The following UBR4 variants were observed in gnomAD, a reference collection of about 807,000 sequenced individuals.
UBR4 encodes E3 ubiquitin-protein ligase UBR4.
UBR4 carries 124 observed loss-of-function variants against 575.6 expected under a neutral mutation model. The ratio of observed to expected loss-of-function variants is 0.22; its 90% CI spans 0.19 to 0.25. The LOEUF is 0.25. Among genes scored for constraint, UBR4 ranks in the 10% least tolerant of loss-of-function variants. The pLI is 1.00. For synonymous variants in UBR4, 2,455 were observed against 2,473.7 expected, an observed-to-expected ratio of 0.99 and a Z score of 0.22; for missense variants, 4,818 against 6,478.8, an observed-to-expected ratio of 0.74 and a Z score of 8.80.
In UBR4 at chr1:19,139,033, T is replaced by G; in HGVS notation, c.8731+50A>C. 7 of 1,543,268 alleles carry G rather than the reference T, an allele frequency of 4.5e-6. No homozygotes were observed. The highest frequency in any genetic ancestry group is 6.1e-6 in the Non-Finnish European group (7 of 1,139,764). ...AAGACCCAAGCAGAGATTCCTGTTTTGTCCCCACCCTCTGCCCAAGGAGAC... is the reference window on the plus strand; with the variant it reads ...AAGACCCAAGCAGAGATTCCTGTTTGGTCCCCACCCTCTGCCCAAGGAGAC... On this transcript the variant is annotated intron_variant, in intron 59 of 105. Transcript: ENST00000375254. The surrounding 1 kb of genome is among the most constrained non-coding windows in gnomAD (Gnocchi z 4.2).
chr1:19,152,381 G>A lies in UBR4; in HGVS notation c.6928C>T (p.Gln2310Ter). The A allele has an allele frequency of 6.2e-7, 1 of 1,613,952 alleles. No homozygotes were observed. The highest frequency in any genetic ancestry group is 1.1e-5 in the South Asian group (1 of 91,078). ...DVEFGGNDLLQVYNAQQIKHR... is the reference protein window; with the variant it reads ...DVEFGGNDLL ...TTTATCTGTTGTGCATTATAGACCT[G>A]TAGGAGGTCGTTACCACCAAACTCC... Residue 2310 changes from glutamine to a stop codon, truncating the protein, a stop_gained, in exon 47 of 106, where the codon CAG (glutamine) becomes TAG (stop). Transcript: ENST00000375254. LOFTEE classifies it high-confidence loss of function. The surrounding 1 kb of genome is among the most constrained non-coding windows in gnomAD (Gnocchi z 4.4).
In UBR4 at chr1:19,173,069, A is replaced by T; in HGVS notation, c.3316T>A (p.Cys1106Ser). The T allele has an allele frequency of 6.2e-7, 1 of 1,614,246 alleles. No homozygotes were observed. The highest frequency in any genetic ancestry group is 1.6e-4 in the Middle Eastern group (1 of 6,062). The part of the protein sequence containing the change: ...RQISSFCSID[C>S]TTILQLHEIP... ...TCATGCAGCTGCAAGATGGTGGTAC[A>T]GTCGATACTACAGAAGGATGAGATC... Residue 1106 changes from cysteine (C) to serine (S), a missense_variant, in exon 25 of 106, where the codon TGT becomes AGT. This residue lies in a region of UBR4 where 1,172 missense variants were observed against 1,259.7 expected (regional missense o/e 0.93). Transcript: ENST00000375254.
intron 48 of UBR4, 73 bp from the exon 49 acceptor site, chr1:19,150,866 C>T: frequency 6.9e-7 from 1 of 1,456,468 alleles, no homozygotes; most frequent in South Asian, 1.2e-5. Flanking sequence ...AAGACCAGAA[C>T]AGTTGGAGCA....
rs2081974238 is a variant in UBR4 at position 19,127,705 on chromosome 1, T to C, written c.9146A>G (p.Asn3049Ser). ...VSKKNERSAL[N>S]EVHLVVMRLL... ...TCTCATTACTACCAGATGGACTTCA[T>C]TCAGGGCGCTGCGCTCATTCTTCTT... Residue 3049 changes from asparagine (N) to serine (S), a missense_variant, in exon 63 of 106, where the codon AAT becomes AGT. Asn to Ser is a conservative substitution (Grantham distance 46). Coordinates refer to ENST00000375254, the MANE Select transcript of UBR4 (RefSeq NM_020765.3). 14 of 1,614,024 alleles carry C rather than the reference T, an allele frequency of 8.7e-6. No individual in the cohort carries two copies. The highest frequency in any genetic ancestry group is 1.2e-5 in the Non-Finnish European group (14 of 1,180,014).
intron 90 of UBR4, among the ~76,000 whole-genome samples, chr1:19,097,556 C>T (rs2078183425): frequency 6.6e-6 from 1 of 152,180 alleles, no homozygotes; most frequent in South Asian, 2.1e-4. Flanking sequence ...AATAATCTAA[C>T]AAATATTTAT....
rs1178432427 is a variant in UBR4 at position 19,152,439 on chromosome 1, G to A, written c.6870C>T (p.Asp2290=). The change falls in exon 47 of 106, where the codon GAC becomes GAT. Residue 2290 remains aspartate (D), a synonymous_variant. Coordinates refer to ENST00000375254, the MANE Select transcript of UBR4 (RefSeq NM_020765.3). The surrounding 1 kb of genome is among the most constrained non-coding windows in gnomAD (Gnocchi z 4.4). The part of the protein sequence containing the change: ...RTSSQVTFPI[D]FFEHNQQLTD... ...TCAGCTGCTGGTTGTGTTCAAAAAA[G>A]TCAATGGGGAAAGTCACCTGGCTAG... 1.2e-6 allele frequency: 2 copies of A among 1,613,934 alleles called. No individual in the cohort carries two copies. Among genetic ancestry groups the A allele is most frequent in the Non-Finnish European group, 8.5e-7 (1 of 1,179,844 alleles).
chr1:19,096,508 C>T lies in UBR4; in HGVS notation c.13518+15G>A. On this transcript the variant is annotated intron_variant, in intron 92 of 105. Transcript: ENST00000375254. ...CAGAAAGGCTGGCCCCCACAACTTG[C>T]TGCCCCCAACTCACTGTTAGAAGGT... 3.1e-6 allele frequency: 5 copies of T among 1,608,918 alleles called. No individual in the cohort carries two copies. The highest frequency in any genetic ancestry group is 4.2e-6 in the Non-Finnish European group (5 of 1,177,458).
At chr1:19,096,792 G>A (rs1490279047) in intron 91 of UBR4, 142 bp from the exon 92 acceptor site, 3 of 1,265,392 alleles carry the variant, frequency 2.4e-6, no homozygotes, top group Non-Finnish European at 3.3e-6. Flanking sequence ...CCAATAAAAG[G>A]GGTCAATGAT....
rs182750198 is a variant in UBR4 at position 19,186,957 on chromosome 1, T to A, written c.1632+207A>T. ...ACAAAACTGATAATTAATAACTGAT[T>A]CAAATGTTTGGATAGATTCAACCCG... On this transcript the variant is annotated intron_variant, in intron 13 of 105. Transcript: ENST00000375254. 4.0e-4 allele frequency among the ~76,000 whole-genome samples: 61 copies of A among 151,874 alleles called. No homozygotes were observed. The East Asian group carries it at 0.01, about 25-fold the overall frequency.
intron 97 of UBR4, 90 bp downstream of exon 97, chr1:19,092,729 C>T (rs2077645442): frequency 3.8e-6 from 4 of 1,064,466 alleles, no homozygotes; most frequent in Non-Finnish European, 4.0e-6. Flanking sequence ...CTAGAAGTCT[C>T]ATATATTAGG....
At position 19,187,300 on chromosome 1, in the gene UBR4, C is replaced by A. The variant is rs1367057848; in HGVS notation, c.1496G>T (p.Gly499Val). ...TGCAGGGGGGCCATCTGTCTCCCAA[C>A]CCTGAAGGCAATGATATCAAAGGGC... Reference protein sequence around the residue: ...QDLQVEALHKGWETDGPPAAL... With the variant: ...QDLQVEALHKVWETDGPPAAL... Residue 499 changes from glycine to valine, a missense_variant and splice_region_variant, in exon 13 of 106, where the codon GGT (glycine) becomes GTT (valine). Transcript: ENST00000375254. The A allele has an allele frequency of 6.2e-7, 1 of 1,612,842 alleles. No homozygotes were observed. Among genetic ancestry groups the A allele is most frequent in the Non-Finnish European group, 8.5e-7 (1 of 1,179,166 alleles).
chr1:19,106,816 G>A (rs115896498), intron 82 of UBR4, 21 bp downstream of exon 82: 63 of 1,610,186 alleles, frequency 3.9e-5, no homozygotes, highest in African/African-American at 2.9e-4. Context: ...ACTTCCCGGC[G>A]TCTTGAAGAG....
intron 83 of UBR4, 76 bp downstream of exon 83, chr1:19,106,493 T>C: frequency 6.8e-7 from 1 of 1,471,926 alleles, no homozygotes; most frequent in African/African-American, 1.4e-5. Context: ...AGACACATGG[T>C]GAGGGGCAGA....
intron 78 of UBR4, 182 bp downstream of exon 78, chr1:19,112,342 T>A: frequency 1.6e-6 from 1 of 642,884 alleles, no homozygotes; most frequent in Non-Finnish European, 2.5e-6. Context: ...GAAACCTGGG[T>A]TTCAATGCTC....
Position 19,115,463 on chromosome 1 carries a change from C to A in UBR4, c.10998G>T (p.Ser3666=). The stretch of plus-strand genomic sequence containing the variant: ...CACAGACTCCTGGGTTGGCAGGGAC[C>A]GAGGCACTACAGCGAGGGCACTGCA... ...ETLQCPRCSA[S]VPANPGVCGN... The change falls in exon 74 of 106, where the codon TCG becomes TCT. Residue 3666 remains serine (S), a synonymous_variant. Transcript: ENST00000375254. 3.7e-6 allele frequency: 6 copies of A among 1,614,124 alleles called. 1 individual carries two copies. The South Asian group carries it at 6.6e-5, about 18-fold the overall frequency.
chr1:19,139,957 C>T lies in UBR4; in HGVS notation c.8594-737G>A, dbSNP rs1189597097. Among the ~76,000 whole-genome samples the T allele has an allele frequency of 6.6e-6, 1 of 152,116 alleles. No homozygotes were observed. Among genetic ancestry groups the T allele is most frequent in the African/African-American group, 2.4e-5 (1 of 41,412 alleles). On this transcript the variant is annotated intron_variant, in intron 58 of 105. Coordinates refer to ENST00000375254, the MANE Select transcript of UBR4 (RefSeq NM_020765.3). This position sits in a 1 kb window ranked among gnomAD's most constrained non-coding sequence, Gnocchi z 4.2. ...ACAGCCACAGAGCACAGCGGGAACACGACTGGCACAACACAACAGCAACCT... is the reference window on the plus strand; with the variant it reads ...ACAGCCACAGAGCACAGCGGGAACATGACTGGCACAACACAACAGCAACCT...
In UBR4 at chr1:19,197,186, G is replaced by A; in HGVS notation, c.973C>T (p.Arg325Cys). 3.1e-6 allele frequency: 5 copies of A among 1,614,160 alleles called. No individual in the cohort carries two copies. The highest frequency in any genetic ancestry group is 2.5e-6 in the Non-Finnish European group (3 of 1,180,022). Reference sequence around the variant, plus strand: ...CTGAGGACTGTCACATCTTGTAGACGAGAAGGATTGAGAGGTTCCAACACA... The same window carrying A: ...CTGAGGACTGTCACATCTTGTAGACAAGAAGGATTGAGAGGTTCCAACACA... ...LPVLEPLNPS[R>C]LQDVTVLSLS... is the part of the protein sequence containing the mutation. Residue 325 changes from arginine (R) to cysteine (C), a missense_variant, in exon 8 of 106, where the codon CGT becomes TGT. Arg to Cys is a radical substitution (Grantham distance 180). Transcript: ENST00000375254.
At chr1:19,195,969 TACACACACACACACACACACAC>T (rs55820713) in intron 8 of UBR4, among the ~76,000 whole-genome samples, 105 of 134,140 alleles carry the variant, frequency 7.8e-4, no homozygotes, top group African/African-American at 2.5e-3. Context: ...GACTTACTTA[TACACACACACACACACACACAC>T]ACACACACAC....
At chr1:19,129,942 T>A (rs1399627015) in intron 60 of UBR4, among the ~76,000 whole-genome samples, 1 of 152,154 alleles carries the variant, frequency 6.6e-6, no homozygotes, top group African/African-American at 2.4e-5. Flanking sequence ...ATATACCTAT[T>A]TTTTTTAATG....
Sources: gnomAD v4.1 joint callset for allele counts (sites outside exome capture counted in the v4.1 genomes callset) on GRCh38, gnomAD v4.1.1 for gene constraint, gnomAD v4.1.1 regional missense constraint, Gnocchi (gnomAD v3.1) non-coding constraint, MANE v1.5 for transcripts, NCBI Gene and HGNC (gene_info 2026-07-23, HGNC 2026-07-21) for gene names.